ABCC8: variants seen among roughly 807,000 people sequenced by gnomAD.
ABCC8 encodes ATP binding cassette subfamily C member 8, also known as ATP-binding cassette sub-family C member 8.
ABCC8 carries 137 observed loss-of-function variants against 188.0 expected under a neutral mutation model. The observed-to-expected ratio is 0.73, with a 90% CI of 0.63 to 0.84. ABCC8 has a LOEUF of 0.84. Among genes scored for constraint, ABCC8 ranks in the 40% least tolerant of loss-of-function variants. ABCC8 has a pLI of 0.00. For synonymous variants in ABCC8, 797 were observed against 846.5 expected (o/e 0.94, Z 1.01); for missense variants, 1,750 against 2,072.7 (o/e 0.84, Z 3.02).
At chr11:17,473,728 C>T (rs1433324066) in intron 2 of ABCC8, among the ~76,000 whole-genome samples, 1 of 152,220 alleles carries the variant, frequency 6.6e-6, no homozygotes, top group African/African-American at 2.4e-5. Flanking sequence ...ACCTAGACTA[C>T]TGCAGTCAAT....
chr11:17,432,449 G>T, intron 10 of ABCC8: 2 of 1,105,228 alleles, frequency 1.8e-6, no homozygotes, highest in Non-Finnish European at 2.5e-6. Context: ...AGGTACCCCG[G>T]CCCCCGACTC....
chr11:17,448,080 C>G (rs1396225617), intron 8 of ABCC8: 3 of 193,678 alleles, frequency 1.5e-5, no homozygotes, highest in Non-Finnish European at 3.2e-5. Flanking sequence ...CTTTTAAGAT[C>G]TGTGGGCATT....
rs1428908917 is a variant in ABCC8, at chr11:17,412,741, G to T, written c.2481C>A (p.Ile827=). The T allele has an allele frequency of 1.2e-6, 2 of 1,608,972 alleles. No individual in the cohort carries two copies. Among genetic ancestry groups the T allele is most frequent in the Non-Finnish European group, 1.7e-6 (2 of 1,177,620 alleles). The change falls in exon 21 of 39, where the codon ATC becomes ATA. Residue 827 remains isoleucine, a synonymous_variant. Transcript: ENST00000389817. ...GCTGGCGTTGACCACCAGACAGGTT[G>T]ATGCCCTGTCACCAAAGAGGAGGAA... The part of the protein sequence containing the change: ...GDQTQIGERG[I]NLSGGQRQRI...
At chr11:17,436,876 G>A (rs1956120562) in intron 10 of ABCC8, among the ~76,000 whole-genome samples, 1 of 152,116 alleles carries the variant, frequency 6.6e-6, no homozygotes. Flanking sequence ...ATCACCTGAG[G>A]TCAGGAGTTT....
rs755259997 is a variant in ABCC8, at chr11:17,406,943, C to T, written c.3107G>A (p.Trp1036Ter). 5.6e-6 allele frequency: 9 copies of T among 1,614,042 alleles called. No homozygotes were observed. The highest frequency in any genetic ancestry group is 1.1e-5 in the South Asian group (1 of 91,084). ...GGTCAGGGTCAGGGCGCTGTCGGTCCACTTGGCCAGCCAGTAGTCGATGGC... is the reference window on the plus strand; with the variant it reads ...GGTCAGGGTCAGGGCGCTGTCGGTCTACTTGGCCAGCCAGTAGTCGATGGC... ...LVAIDYWLAK[W>*]TDSALTLTPA... The change falls in exon 25 of 39, where the codon TGG (tryptophan) becomes TAG (stop). Residue 1036 changes from tryptophan (W) to a stop codon, truncating the protein, a stop_gained. Coordinates refer to ENST00000389817, the MANE Select transcript of ABCC8 (RefSeq NM_000352.6). LOFTEE classifies it high-confidence loss of function.
intron 29 of ABCC8, among the ~76,000 whole-genome samples, chr11:17,402,351 C>T (rs548337843): frequency 3.3e-5 from 5 of 152,272 alleles, no homozygotes; most frequent in South Asian, 2.1e-4. Flanking sequence ...TAGGGTGGCC[C>T]GCACCTAAGG....
Position 17,404,437 on chromosome 11 carries a change from T to A in ABCC8, c.3557+75A>T, listed in dbSNP as rs1306609466. On this transcript the variant is annotated intron_variant, in intron 28 of 38. Coordinates refer to ENST00000389817, the MANE Select transcript of ABCC8 (RefSeq NM_000352.6). The surrounding 1 kb of genome is among the most constrained non-coding windows in gnomAD (Gnocchi z 4.7). Reference sequence around the variant, plus strand: ...AGGGAACACGACCCTATTACTCTCATAACGATGAGTCTAGCAAGTACACCA... The same window carrying A: ...AGGGAACACGACCCTATTACTCTCAAAACGATGAGTCTAGCAAGTACACCA... 6.9e-7 allele frequency: 1 copy of A among 1,457,842 alleles called. No homozygotes were observed. The highest frequency in any genetic ancestry group is 1.4e-5 in the African/African-American group (1 of 71,516). The allele number at this position is 1,457,842 out of a possible 1,614,324, so 90.3% of individuals were successfully genotyped here.
At chr11:17,403,810 G>A (rs1038074707) in intron 28 of ABCC8, among the ~76,000 whole-genome samples, 1 of 152,032 alleles carries the variant, frequency 6.6e-6, no homozygotes, top group Non-Finnish European at 1.5e-5. Context: ...AAAAAATGCT[G>A]GTTGTGATCC....
chr11:17,415,950 G>T (rs962455329), intron 17 of ABCC8, among the ~76,000 whole-genome samples: 1 of 152,224 alleles, frequency 6.6e-6, no homozygotes, highest in Non-Finnish European at 1.5e-5. Flanking sequence ...TGCCCAAGCT[G>T]CTCCCGTGTC....
intron 37 of ABCC8, 127 bp downstream of exon 37, chr11:17,394,139 T>C: frequency 2.3e-6 from 3 of 1,283,638 alleles, no homozygotes; most frequent in Non-Finnish European, 3.4e-6. Flanking sequence ...CTTTTCATTT[T>C]CTGCAACACA....
Position 17,416,966 on chromosome 11 carries a change from C to T in ABCC8, c.2223-4G>A. ...TCCTATCTCGCTGTCAGGAAGGCTG[C>T]TGGGACACAAATGGGACAGACCAAC... On this transcript the variant is annotated splice_polypyrimidine_tract_variant and splice_region_variant and intron_variant, in intron 16 of 38. Coordinates refer to ENST00000389817, the MANE Select transcript of ABCC8 (RefSeq NM_000352.6). 5 of 1,614,078 alleles carry T rather than the reference C, an allele frequency of 3.1e-6. No individual in the cohort carries two copies. The highest frequency in any genetic ancestry group is 4.2e-6 in the Non-Finnish European group (5 of 1,180,024).
intron 30 of ABCC8, 24 bp downstream of exon 30, chr11:17,398,315 A>G (rs762665556): frequency 1.9e-6 from 3 of 1,613,590 alleles, no homozygotes; most frequent in Middle Eastern, 1.6e-4. Context: ...ATCAGAGGCC[A>G]GGGTAGAGGG....
intron 16 of ABCC8, among the ~76,000 whole-genome samples, chr11:17,425,792 C>T (rs772724510): frequency 4.6e-5 from 7 of 152,112 alleles, no homozygotes; most frequent in Non-Finnish European, 1.0e-4. Flanking sequence ...CCCATCAACC[C>T]TTCATCTACA....
In ABCC8 at chr11:17,406,965, T is replaced by A; in HGVS notation, c.3085A>T (p.Ile1029Phe). The A allele has an allele frequency of 6.2e-7, 1 of 1,614,170 alleles. No individual in the cohort carries two copies. The highest frequency in any genetic ancestry group is 8.5e-7 in the Non-Finnish European group (1 of 1,180,022). ...GTCCACTTGGCCAGCCAGTAGTCGA[T>A]GGCCACCAGGACCATGTGCTTGAGC... ...QLLKHMVLVA[I>F]DYWLAKWTDS... Residue 1029 changes from isoleucine to phenylalanine, a missense_variant, in exon 25 of 39, where the codon ATC (isoleucine) becomes TTC (phenylalanine). Ile to Phe is a conservative substitution (Grantham distance 21). Coordinates refer to ENST00000389817, the MANE Select transcript of ABCC8 (RefSeq NM_000352.6).
chr11:17,415,192 A>T, intron 18 of ABCC8, 112 bp downstream of exon 18: 1 of 1,470,444 alleles, frequency 6.8e-7, no homozygotes, highest in Non-Finnish European at 9.3e-7. Context: ...GCCTCCCCCA[A>T]CACTGGGGCT....
In ABCC8 at chr11:17,427,269, C is replaced by G. The variant is rs1224896025; in HGVS notation, c.2117-115G>C. ...CCCTGGGGCCCCTGTTTTCTTTCTTCCTACCTAGAATCCCCAGCAAGTCCT... is the reference window on the plus strand; with the variant it reads ...CCCTGGGGCCCCTGTTTTCTTTCTTGCTACCTAGAATCCCCAGCAAGTCCT... On this transcript the variant is annotated intron_variant, in intron 15 of 38. Coordinates refer to ENST00000389817, the MANE Select transcript of ABCC8 (RefSeq NM_000352.6). This position sits in a 1 kb window ranked among gnomAD's most constrained non-coding sequence, Gnocchi z 5.0. 7.3e-7 allele frequency: 1 copy of G among 1,377,212 alleles called. No individual in the cohort carries two copies. Among genetic ancestry groups the G allele is most frequent in the East Asian group, 2.8e-5 (1 of 36,098 alleles). The allele number at this position is 1,377,212 out of a possible 1,614,324, so 85.3% of individuals were successfully genotyped here. A position where few individuals can be genotyped will look rare whatever the true frequency, so the allele number is the denominator to read the frequency against.
chr11:17,443,188 C>T lies in ABCC8; in HGVS notation c.1457G>A (p.Arg486Gln), dbSNP rs376080397. The T allele has an allele frequency of 4.0e-5, 65 of 1,613,976 alleles. No homozygotes were observed. Among genetic ancestry groups the T allele is most frequent in the East Asian group, 2.2e-4 (10 of 44,886 alleles). The change falls in exon 9 of 39, where the codon CGG becomes CAG. Residue 486 changes from arginine to glutamine, a missense_variant. Arg to Gln is a conservative substitution (Grantham distance 43). Coordinates refer to ENST00000389817, the MANE Select transcript of ABCC8 (RefSeq NM_000352.6). Reference protein sequence around the residue: ...FVATKLSQAQRSTLEYSNERL... With the variant: ...FVATKLSQAQQSTLEYSNERL... ...CCTTTGGGCACTCACCAGTGTGCTC[C>T]GCTGGGCCTGAGACAGCTTGGTGGC...
At chr11:17,430,014 C>T (rs1211607869) in intron 12 of ABCC8, 1 of 152,498 alleles carries the variant, frequency 6.6e-6, no homozygotes, top group Non-Finnish European at 1.5e-5. Context: ...AGGGGTGTCA[C>T]CTTCCTCAAG....
chr11:17,450,223 T>C (rs1437583516), intron 7 of ABCC8, among the ~76,000 whole-genome samples: 1 of 148,830 alleles, frequency 6.7e-6, no homozygotes, highest in African/African-American at 2.5e-5. Context: ...GGTTTTTTTC[T>C]CCCTAACTCC....
Sources: gnomAD v4.1 joint callset for allele counts (sites outside exome capture counted in the v4.1 genomes callset) on GRCh38, gnomAD v4.1.1 for gene constraint, Gnocchi (gnomAD v3.1) non-coding constraint, MANE v1.5 for transcripts, NCBI Gene and HGNC (gene_info 2026-07-23, HGNC 2026-07-21) for gene names.